The following GPA33 variants were observed in gnomAD, a reference collection of about 807,000 sequenced individuals.
GPA33 encodes glycoprotein A33.
A neutral mutation model predicts 35.6 loss-of-function variants in GPA33; 27 were observed. The ratio of observed to expected loss-of-function variants is 0.76; its 90% CI spans 0.56 to 1.04. The LOEUF (loss-of-function observed/expected upper bound fraction) is 1.04, where lower values mean the gene tolerates loss of function less well. Ranked by LOEUF, GPA33 falls within the 50% of genes least tolerant of loss-of-function variation. GPA33 has a pLI of 0.00. For missense variants in GPA33, 428 were observed against 411.9 expected (o/e 1.04, Z -0.34); for synonymous variants, 176 against 164.0 (o/e 1.07, Z -0.56).
intron 1 of GPA33, among the ~76,000 whole-genome samples, chr1:167,077,407 G>T (rs1050910565): frequency 6.6e-6 from 1 of 152,108 alleles, no homozygotes; most frequent in African/African-American, 2.4e-5. Context: ...CACCTCTTCT[G>T]TCCTTGCCTG....
At chr1:167,069,674 C>T (rs1666676452) in intron 2 of GPA33, among the ~76,000 whole-genome samples, 1 of 152,252 alleles carries the variant, frequency 6.6e-6, no homozygotes, top group African/African-American at 2.4e-5. Context: ...TCAAGCCAGA[C>T]TGCTTCAATT....
At chr1:167,067,193 C>G (rs1308200747) in intron 3 of GPA33, among the ~76,000 whole-genome samples, 2 of 152,142 alleles carry the variant, frequency 1.3e-5, no homozygotes, top group Admixed American at 6.5e-5. Flanking sequence ...AGGCCGGTCT[C>G]TGTCACCCAG....
intron 2 of GPA33, among the ~76,000 whole-genome samples, chr1:167,073,025 AC>A (rs1209688297): frequency 1.3e-5 from 2 of 151,998 alleles, no homozygotes; most frequent in Non-Finnish European, 2.9e-5. Context: ...GAAAAAAAAA[AC>A]AAAACTCCTC....
intron 1 of GPA33, among the ~76,000 whole-genome samples, chr1:167,074,319 G>A (rs373742822): frequency 1.3e-5 from 2 of 151,878 alleles, no homozygotes; most frequent in African/African-American, 4.8e-5. Flanking sequence ...CTGGTCCCTT[G>A]CGATGCTCAC....
rs148342304 is a variant in GPA33 at position 167,084,962 on chromosome 1, C to T, written c.43+5283G>A. On this transcript the variant is annotated intron_variant, in intron 1 of 6. Transcript: ENST00000367868. The stretch of plus-strand genomic sequence containing the variant: ...TTGTCATTTATTGAGAGAGAGCTCA[C>T]TGGGAAAGACCCAGGTTTGGGGAAA... Among the ~76,000 whole-genome samples the T allele has an allele frequency of 3.0e-3, 454 of 152,324 alleles. 2 individuals carry two copies. Among genetic ancestry groups the T allele is most frequent in the African/African-American group, 9.6e-3 (400 of 41,576 alleles).
intron 3 of GPA33, among the ~76,000 whole-genome samples, chr1:167,066,456 G>A (rs1045106688): frequency 3.9e-5 from 6 of 152,140 alleles, no homozygotes; most frequent in African/African-American, 1.4e-4. Context: ...CAGCCTTAGG[G>A]CGGAATGTGT....
intron 4 of GPA33, among the ~76,000 whole-genome samples, chr1:167,056,615 G>A (rs1666269188): frequency 1.5e-5 from 2 of 136,262 alleles, no homozygotes; most frequent in African/African-American, 2.7e-5. Flanking sequence ...TGTGTAGTGT[G>A]TGTGGTGAGT....
chr1:167,076,201 T>G (rs766178615), intron 1 of GPA33, among the ~76,000 whole-genome samples: 2 of 152,150 alleles, frequency 1.3e-5, no homozygotes, highest in Non-Finnish European at 2.9e-5. Flanking sequence ...CACTGTTTGT[T>G]GATGATGAGA....
intron 3 of GPA33, among the ~76,000 whole-genome samples, chr1:167,067,891 A>C (rs1331280975): frequency 6.6e-6 from 1 of 152,144 alleles, no homozygotes; most frequent in Non-Finnish European, 1.5e-5. Flanking sequence ...GTGTGTTGAA[A>C]GGACATGAGG....
intron 3 of GPA33, among the ~76,000 whole-genome samples, 200 bp downstream of exon 3, chr1:167,068,722 G>A (rs966471902): frequency 2.0e-5 from 3 of 152,208 alleles, no homozygotes; most frequent in Non-Finnish European, 4.4e-5. Flanking sequence ...CGAGACTGTT[G>A]GCCATTGGCG....
At chr1:167,062,866 G>T (rs1666491008) in intron 4 of GPA33, among the ~76,000 whole-genome samples, 1 of 151,922 alleles carries the variant, frequency 6.6e-6, no homozygotes, top group African/African-American at 2.4e-5. Context: ...GGACCGGCCT[G>T]GATAAGGAAT....
At chr1:167,082,760 C>A (rs981125058) in intron 1 of GPA33, among the ~76,000 whole-genome samples, 30 of 152,236 alleles carry the variant, frequency 2.0e-4, no homozygotes, top group Non-Finnish European at 7.3e-5. Flanking sequence ...TCCCAGTGAA[C>A]TTTGTGACGG....
chr1:167,054,309 TCCG>T lies in GPA33; in HGVS notation c.*22_*24del. On this transcript the variant is annotated 3_prime_UTR_variant, in exon 7 of 7. Coordinates refer to ENST00000367868, the MANE Select transcript of GPA33 (RefSeq NM_005814.3). ...GGGAGAATGAACCCCTAACCCTTCC[TCCG>T]CCGCCCTCTGCTGCTGGCCTGTCAC... is the stretch of plus-strand genomic sequence containing the variant. 3 of 1,613,276 alleles carry T rather than the reference TCCG, an allele frequency of 1.9e-6. No homozygotes were observed. The highest frequency in any genetic ancestry group is 2.5e-6 in the Non-Finnish European group (3 of 1,179,726).
chr1:167,057,295 C>A (rs1428068748), intron 4 of GPA33, among the ~76,000 whole-genome samples: 1 of 152,070 alleles, frequency 6.6e-6, no homozygotes, highest in African/African-American at 2.4e-5. Context: ...AAAGCAAGAG[C>A]TTTGTGCTTG....
chr1:167,062,471 T>G (rs1021060464), intron 4 of GPA33, among the ~76,000 whole-genome samples: 1 of 151,896 alleles, frequency 6.6e-6, no homozygotes, highest in African/African-American at 2.4e-5. Flanking sequence ...TCCTCCTGCC[T>G]CAGCCTCCCA....
chr1:167,083,600 T>C (rs1666996000), intron 1 of GPA33, among the ~76,000 whole-genome samples: 1 of 152,120 alleles, frequency 6.6e-6, no homozygotes, highest in African/African-American at 2.4e-5. Context: ...TAAATAATCA[T>C]AGAAATAAAT....
chr1:167,072,085 G>A (rs972984723), intron 2 of GPA33, among the ~76,000 whole-genome samples: 50 of 152,130 alleles, frequency 3.3e-4, no homozygotes, highest in African/African-American at 1.1e-3. Flanking sequence ...GGGACAGGTG[G>A]CTATGGCCCA....
chr1:167,062,583 G>A (rs954321027), intron 4 of GPA33, among the ~76,000 whole-genome samples: 3 of 149,282 alleles, frequency 2.0e-5, no homozygotes, highest in Non-Finnish European at 4.5e-5. Context: ...ACTCCACCAG[G>A]GTATTTCCAC....
At chr1:167,066,936 C>T (rs1298683369) in intron 3 of GPA33, among the ~76,000 whole-genome samples, 1 of 152,198 alleles carries the variant, frequency 6.6e-6, no homozygotes, top group African/African-American at 2.4e-5. Flanking sequence ...GCTTCATGCT[C>T]GCCTCGGTTT....
Sources: allele counts gnomAD v4.1 joint callset (sites outside exome capture counted in the v4.1 genomes callset), GRCh38; gene constraint gnomAD v4.1.1; transcripts MANE v1.5; gene names NCBI Gene and HGNC (gene_info 2026-07-23, HGNC 2026-07-21).